Variants in CPVL observed in about 807,000 individuals in gnomAD.
CPVL encodes the protein carboxypeptidase vitellogenic like.
In CPVL, 51 loss-of-function variants were observed where a neutral mutation model predicts 63.7. The ratio of observed to expected loss-of-function variants is 0.80; its 90% confidence interval spans 0.64 to 1.01. CPVL has a LOEUF of 1.01. Among genes scored for constraint, CPVL ranks in the 50% least tolerant of loss-of-function variants. The pLI is 0.00. For missense variants in CPVL, 530 were observed against 573.1 expected, an observed-to-expected ratio of 0.92 and a Z score of 0.77; for synonymous variants, 195 against 206.0, an observed-to-expected ratio of 0.95 and a Z score of 0.46.
At chr7:29,031,231 G>C (rs1005821609) in intron 11 of CPVL, among the ~76,000 whole-genome samples, 9 of 152,174 alleles carry the variant, frequency 5.9e-5, no homozygotes, top group Admixed American at 5.9e-4. Flanking sequence ...TCAGTAGCAA[G>C]TATAATTTTT....
At chr7:29,178,235 C>A (rs1797609774) in intron 5 of CPVL, among the ~76,000 whole-genome samples, 1 of 152,192 alleles carries the variant, frequency 6.6e-6, no homozygotes, top group African/African-American at 2.4e-5. Flanking sequence ...CCAAAGTGAT[C>A]TTTTCAGTAT....
chr7:29,058,929 A>G (rs1321567809), intron 11 of CPVL, among the ~76,000 whole-genome samples: 1 of 151,914 alleles, frequency 6.6e-6, no homozygotes, highest in Non-Finnish European at 1.5e-5. Context: ...AGCTTCTGGA[A>G]TCTGTGCTTT....
At chr7:29,152,884 C>A (rs1206841628) in intron 5 of CPVL, among the ~76,000 whole-genome samples, 2 of 152,196 alleles carry the variant, frequency 1.3e-5, no homozygotes, top group Non-Finnish European at 2.9e-5. Context: ...GTCTGAATAA[C>A]AAGGACCTCA....
chr7:29,180,296 C>T (rs779585841), intron 5 of CPVL, among the ~76,000 whole-genome samples: 12 of 152,106 alleles, frequency 7.9e-5, no homozygotes, highest in Admixed American at 2.6e-4. Flanking sequence ...GAAGCTGAGG[C>T]GGGCAGATCA....
At chr7:29,052,422 G>C (rs1011319871) in intron 11 of CPVL, among the ~76,000 whole-genome samples, 2 of 104,416 alleles carry the variant, frequency 1.9e-5, no homozygotes, top group East Asian at 3.0e-4. Flanking sequence ...TGACTAAAAT[G>C]AAATGAAGAT....
intron 3 of CPVL, among the ~76,000 whole-genome samples, chr7:29,096,874 A>G (rs1014020647): frequency 6.6e-6 from 1 of 151,592 alleles, no homozygotes; most frequent in African/African-American, 2.4e-5. Context: ...AATCCGAGCT[A>G]CTTGGGAGGC....
At chr7:29,057,718 G>A (rs1274947523) in intron 11 of CPVL, among the ~76,000 whole-genome samples, 1 of 152,114 alleles carries the variant, frequency 6.6e-6, no homozygotes, top group Non-Finnish European at 1.5e-5. Flanking sequence ...TGTTTTGTAT[G>A]TGGATATATC....
intron 5 of CPVL, among the ~76,000 whole-genome samples, chr7:29,162,913 A>G (rs1270934748): frequency 6.6e-6 from 1 of 152,240 alleles, no homozygotes. Context: ...ACAATTCTGT[A>G]CATGTGATAA....
chr7:29,096,386 C>T, intron 3 of CPVL, 169 bp from the exon 4 acceptor site: 1 of 610,964 alleles, frequency 1.6e-6, no homozygotes. Flanking sequence ...AAGTACTGAT[C>T]ATCTTTGGTT....
intron 12 of CPVL, among the ~76,000 whole-genome samples, chr7:29,008,387 C>A (rs1785429028): frequency 6.6e-6 from 1 of 152,104 alleles, no homozygotes; most frequent in Non-Finnish European, 1.5e-5. Flanking sequence ...GGAAAAAGCA[C>A]AGAAGGGCAG....
At chr7:29,098,230 A>C (rs1449173857) in intron 3 of CPVL, among the ~76,000 whole-genome samples, 1 of 152,240 alleles carries the variant, frequency 6.6e-6, no homozygotes, top group Non-Finnish European at 1.5e-5. Flanking sequence ...ACTCAAGAGA[A>C]GGTGACTGGG....
intron 1 of CPVL, 86 bp downstream of exon 1, chr7:29,146,343 G>GC: frequency 1.9e-6 from 1 of 513,000 alleles, no homozygotes; most frequent in Non-Finnish European, 3.4e-6. Flanking sequence ...GAGACTACCT[G>GC]CCCCGCGCTC....
chr7:29,114,391 CAG>C (rs1356203226), intron 2 of CPVL, among the ~76,000 whole-genome samples: 1 of 152,132 alleles, frequency 6.6e-6, no homozygotes, highest in Admixed American at 6.5e-5. Flanking sequence ...AGTCAGGCTG[CAG>C]AGTTTGTTCC....
At chr7:29,068,089 C>T (rs986093787) in intron 9 of CPVL, among the ~76,000 whole-genome samples, 1 of 151,120 alleles carries the variant, frequency 6.6e-6, no homozygotes, top group African/African-American at 2.4e-5. Context: ...ACTGCAACTT[C>T]TGCCTCCCGG....
intron 10 of CPVL, among the ~76,000 whole-genome samples, chr7:29,065,436 C>A (rs747376908): frequency 6.7e-6 from 1 of 149,728 alleles, no homozygotes; most frequent in South Asian, 2.2e-4. Flanking sequence ...AATTCAAACA[C>A]CTACTTTGGC....
chr7:29,178,020 A>G (rs1407865259), intron 5 of CPVL, among the ~76,000 whole-genome samples: 1 of 152,118 alleles, frequency 6.6e-6, no homozygotes, highest in Non-Finnish European at 1.5e-5. Context: ...CTAAAAACCT[A>G]GGAGTCACCT....
At chr7:29,190,246 C>T (rs1782719237) in intron 1 of CPVL, among the ~76,000 whole-genome samples, 5 of 152,220 alleles carry the variant, frequency 3.3e-5, no homozygotes, top group Admixed American at 3.3e-4. Context: ...AAAAGGACCA[C>T]TTTCAGGGTA....
chr7:29,069,440 CAAAAAAAAA>C (rs34421309), intron 9 of CPVL, among the ~76,000 whole-genome samples: 2 of 81,176 alleles, frequency 2.5e-5, no homozygotes, highest in Admixed American at 1.3e-4. Context: ...GACTCCGTCT[CAAAAAAAAA>C]AAAAAAAAAA....
chr7:29,169,822 GTA>G (rs201753678), intron 5 of CPVL, among the ~76,000 whole-genome samples: 17 of 150,184 alleles, frequency 1.1e-4, no homozygotes, highest in South Asian at 2.1e-4. Flanking sequence ...GGGATAAGAT[GTA>G]TATATATATA....
Sources: allele counts gnomAD v4.1 joint callset (sites outside exome capture counted in the v4.1 genomes callset), GRCh38; gene constraint gnomAD v4.1.1; transcripts MANE v1.5; gene names NCBI Gene and HGNC (gene_info 2026-07-23, HGNC 2026-07-21).